The following LOC128031833 variants were observed in gnomAD, a reference collection of about 807,000 sequenced individuals.
chrX:63,754,600 T>C, the LOC128031833 span: 1 of 1,045,393 alleles, frequency 9.6e-7, no homozygotes, highest in Non-Finnish European at 1.2e-6. Context: ...CAGAACACTG[T>C]AGTGTTCCAG....
the LOC128031833 span, chrX:63,754,554 G>A: frequency 9.2e-7 from 1 of 1,089,611 alleles, no homozygotes; most frequent in South Asian, 2.4e-5. Context: ...CGGCAAAAAC[G>A]ACTACAGTTT....
At chrX:63,754,652 T>C in the LOC128031833 span, 2 of 1,005,499 alleles carry the variant, frequency 2.0e-6, no homozygotes, top group Non-Finnish European at 2.5e-6. Context: ...CTCTGTTCTG[T>C]CAGACTGTCC....
At chrX:63,754,581 G>A in the LOC128031833 span, 1 of 1,082,953 alleles carries the variant, frequency 9.2e-7, no homozygotes, top group Non-Finnish European at 1.2e-6. Flanking sequence ...CCAGGGTCAT[G>A]GTGCAATGCA....
the LOC128031833 span, chrX:63,754,494 T>C: frequency 2.7e-6 from 3 of 1,104,413 alleles, no homozygotes; most frequent in Non-Finnish European, 3.5e-6. Context: ...TTCAGCGCGT[T>C]CCCAGGAAAA....
the LOC128031833 span, chrX:63,754,623 C>A: frequency 9.8e-7 from 1 of 1,023,651 alleles, no homozygotes; most frequent in Non-Finnish European, 1.2e-6. Flanking sequence ...GGGGGGCCGG[C>A]AGATTGGGAG....
the LOC128031833 span, chrX:63,754,519 T>C: frequency 9.1e-7 from 1 of 1,095,940 alleles, no homozygotes; most frequent in Non-Finnish European, 1.2e-6. Flanking sequence ...GAGTATGACA[T>C]TGACAAGCAG....
chrX:63,754,499 G>A, the LOC128031833 span: 13 of 1,096,359 alleles, frequency 1.2e-5, no homozygotes, highest in African/African-American at 3.9e-5. Context: ...CGCGTTCCCA[G>A]GAAAAACATG....
chrX:63,754,495 C>T, the LOC128031833 span: 1 of 1,102,772 alleles, frequency 9.1e-7, no homozygotes, highest in East Asian at 3.3e-5. Context: ...TCAGCGCGTT[C>T]CCAGGAAAAA....
the LOC128031833 span, chrX:63,754,594 A>G: frequency 9.5e-7 from 1 of 1,052,958 alleles, no homozygotes; most frequent in Non-Finnish European, 1.2e-6. Context: ...GCAATGCAGA[A>G]CACTGTAGTG....
At chrX:63,754,572 C>T in the LOC128031833 span, 1 of 1,088,659 alleles carries the variant, frequency 9.2e-7, no homozygotes, top group African/African-American at 1.9e-5. Context: ...TTTGCACATC[C>T]AGGGTCATGG....
chrX:63,754,640 G>A, the LOC128031833 span: 19 of 1,012,311 alleles, frequency 1.9e-5, no homozygotes, highest in African/African-American at 5.9e-5. Flanking sequence ...GGAGATGTCA[G>A]TCTCTGTTCT....
chrX:63,754,516 A>T, the LOC128031833 span: 1 of 1,093,744 alleles, frequency 9.1e-7, no homozygotes. Context: ...CATGAGTATG[A>T]CATTGACAAG....
At chrX:63,754,493 T>C in the LOC128031833 span, 1 of 1,105,131 alleles carries the variant, frequency 9.0e-7, no homozygotes, top group Admixed American at 3.6e-5. Context: ...ATTCAGCGCG[T>C]TCCCAGGAAA....
chrX:63,754,605 T>C, the LOC128031833 span: 1 of 1,034,422 alleles, frequency 9.7e-7, no homozygotes, highest in Non-Finnish European at 1.2e-6. Flanking sequence ...CACTGTAGTG[T>C]TCCAGGTGGG....
the LOC128031833 span, chrX:63,754,543 A>C: frequency 9.2e-7 from 1 of 1,090,212 alleles, no homozygotes; most frequent in Non-Finnish European, 1.2e-6. Context: ...GACTACAATC[A>C]CGGCAAAAAC....
At chrX:63,754,590 C>A in the LOC128031833 span, 1 of 1,071,677 alleles carries the variant, frequency 9.3e-7, no homozygotes, top group African/African-American at 1.9e-5. Flanking sequence ...TGGTGCAATG[C>A]AGAACACTGT....
chrX:63,754,554 G>T, the LOC128031833 span: 2 of 1,089,603 alleles, frequency 1.8e-6, no homozygotes, highest in South Asian at 4.8e-5. Context: ...CGGCAAAAAC[G>T]ACTACAGTTT....
At chrX:63,754,590 C>G in the LOC128031833 span, 8 of 1,071,678 alleles carry the variant, frequency 7.5e-6, no homozygotes, top group Non-Finnish European at 9.6e-6. Flanking sequence ...TGGTGCAATG[C>G]AGAACACTGT....
chrX:63,754,607 C>T, the LOC128031833 span: 1 of 1,028,463 alleles, frequency 9.7e-7, no homozygotes, highest in Non-Finnish European at 1.2e-6. Flanking sequence ...CTGTAGTGTT[C>T]CAGGTGGGGG....
Sources: allele counts gnomAD v4.1 joint callset, GRCh38; gene constraint gnomAD v4.1.1; transcripts MANE v1.5.